Variants in NCKAP1 observed in about 807,000 individuals in gnomAD.
NCKAP1 encodes the protein NCK associated protein 1, also known as nck-associated protein 1.
A neutral mutation model predicts 151.2 loss-of-function variants in NCKAP1; 21 were observed. The ratio of observed to expected loss-of-function variants is 0.14; its 90% CI spans 0.10 to 0.20. The LOEUF (loss-of-function observed/expected upper bound fraction) is 0.20. Among genes scored for constraint, NCKAP1 ranks in the 10% least tolerant of loss-of-function variants. The pLI, the probability that NCKAP1 is intolerant of heterozygous loss-of-function variation, is 1.00. For synonymous variants in NCKAP1, 484 were observed against 451.8 expected (o/e 1.07, Z -0.90); for missense variants, 933 against 1,352.1 (o/e 0.69, Z 4.86).
At chr2:182,975,548 A>C (rs1302599929) in intron 15 of NCKAP1, among the ~76,000 whole-genome samples, 1 of 152,144 alleles carries the variant, frequency 6.6e-6, no homozygotes, top group Admixed American at 6.5e-5. Context: ...TGGCTTCCAC[A>C]AAAAAATACT....
intron 2 of NCKAP1, among the ~76,000 whole-genome samples, chr2:183,022,402 CAAACA>C (rs1263593624): frequency 6.6e-6 from 1 of 152,310 alleles, no homozygotes; most frequent in African/African-American, 2.4e-5. Flanking sequence ...GTTCTCCACA[CAAACA>C]AAAGTGTTAA....
intron 9 of NCKAP1, among the ~76,000 whole-genome samples, chr2:182,986,477 C>A (rs1329125663): frequency 6.6e-6 from 1 of 152,042 alleles, no homozygotes; most frequent in Non-Finnish European, 1.5e-5. Context: ...TGTAGATTTT[C>A]ATTTTATTAA....
intron 20 of NCKAP1, among the ~76,000 whole-genome samples, chr2:182,954,469 G>C (rs1697283439): frequency 6.6e-6 from 1 of 152,100 alleles, no homozygotes. Context: ...CCCATCACTA[G>C]AAACAGGCCA....
In NCKAP1 at chr2:183,033,595, A is replaced by G. The variant is rs569916828; in HGVS notation, c.108+4397T>C. Reference sequence around the variant, plus strand: ...TGCCAGGGAACACATTCAATAAACGAAGAGTAAATGAATAAATTAAAAGGG... The same window carrying G: ...TGCCAGGGAACACATTCAATAAACGGAGAGTAAATGAATAAATTAAAAGGG... On this transcript the variant is annotated intron_variant, in intron 1 of 30. Transcript: ENST00000361354. Among the ~76,000 whole-genome samples the G allele has an allele frequency of 1.8e-3, 272 of 152,362 alleles. 1 individual carries two copies. Among genetic ancestry groups the G allele is most frequent in the Non-Finnish European group, 3.4e-3 (228 of 68,026 alleles).
chr2:182,922,497 A>G lies in NCKAP1; in HGVS notation c.*3205T>C, dbSNP rs1317519568. 1 of 152,250 alleles carries G rather than the reference A, an allele frequency of 6.6e-6. No individual in the cohort carries two copies. The highest frequency in any genetic ancestry group is 1.5e-5 in the Non-Finnish European group (1 of 68,064). The allele number at this position is 152,250 out of a possible 1,614,324, so 9.4% of individuals were successfully genotyped here. Reference sequence around the variant, plus strand: ...ACTCCTCATGACAGAGACACAGATGACACACTTCTAACTTCTCAAACATGC... The same window carrying G: ...ACTCCTCATGACAGAGACACAGATGGCACACTTCTAACTTCTCAAACATGC... On this transcript the variant is annotated 3_prime_UTR_variant, in exon 31 of 31. Transcript: ENST00000361354.
chr2:182,961,772 G>C (rs978368226), intron 18 of NCKAP1, among the ~76,000 whole-genome samples: 139 of 146,474 alleles, frequency 9.5e-4, no homozygotes, highest in Non-Finnish European at 1.7e-3. Flanking sequence ...AAGTTGGAAA[G>C]AAAAAAAAAA....
At chr2:182,925,839 A>G (rs780364135) in intron 30 of NCKAP1, 21 bp from the exon 31 acceptor site, 63 of 1,357,964 alleles carry the variant, frequency 4.6e-5, no homozygotes, top group Non-Finnish European at 6.2e-5. Context: ...CAAAAAATCC[A>G]TCAAAACAAG....
At chr2:182,949,671 G>A (rs1298110947) in intron 23 of NCKAP1, among the ~76,000 whole-genome samples, 2 of 152,164 alleles carry the variant, frequency 1.3e-5, no homozygotes, top group Non-Finnish European at 2.9e-5. Context: ...GCACATGCCT[G>A]TAGTCCCAGC....
intron 15 of NCKAP1, 71 bp from the exon 16 acceptor site, chr2:182,967,432 G>A (rs1033225839): frequency 3.0e-6 from 4 of 1,343,550 alleles, no homozygotes; most frequent in South Asian, 1.3e-5. Context: ...TTTTACAGGG[G>A]GAAAAGCATC....
At chr2:183,002,305 A>C (rs1345807013) in intron 4 of NCKAP1, 36 bp from the exon 5 acceptor site, 1 of 1,358,308 alleles carries the variant, frequency 7.4e-7, no homozygotes, top group East Asian at 2.4e-5. Flanking sequence ...ACTACTTCCT[A>C]TTTCTTAAAA....
At chr2:182,941,995 C>T (rs1160784061) in intron 24 of NCKAP1, 75 bp downstream of exon 24, 21 of 1,217,918 alleles carry the variant, frequency 1.7e-5, no homozygotes, top group East Asian at 9.4e-5. Flanking sequence ...ATTTATGTTA[C>T]AAATTTTGAG....
intron 2 of NCKAP1, among the ~76,000 whole-genome samples, chr2:183,011,257 T>C (rs138112077): frequency 7.7e-4 from 118 of 152,366 alleles, no homozygotes; most frequent in Non-Finnish European, 1.5e-3. Flanking sequence ...TATTCTAGAA[T>C]ACATTTCTAG....
intron 29 of NCKAP1, among the ~76,000 whole-genome samples, chr2:182,927,463 T>C (rs1389468934): frequency 6.6e-6 from 1 of 152,042 alleles, no homozygotes; most frequent in Non-Finnish European, 1.5e-5. Flanking sequence ...GATTTATAAC[T>C]GAAAAAGAAG....
chr2:183,010,062 A>G (rs1187457564), intron 2 of NCKAP1, among the ~76,000 whole-genome samples: 3 of 152,228 alleles, frequency 2.0e-5, no homozygotes, highest in African/African-American at 7.2e-5. Flanking sequence ...TAATTCTGGA[A>G]TGCACAAAGA....
chr2:183,037,399 T>C (rs991259247), intron 1 of NCKAP1, among the ~76,000 whole-genome samples: 1 of 152,102 alleles, frequency 6.6e-6, no homozygotes, highest in Non-Finnish European at 1.5e-5. Context: ...CCCCCTCCTC[T>C]CCACCTTCAA....
At chr2:182,944,483 G>A (rs1324036301) in intron 23 of NCKAP1, among the ~76,000 whole-genome samples, 1 of 152,082 alleles carries the variant, frequency 6.6e-6, no homozygotes, top group Non-Finnish European at 1.5e-5. Context: ...GACTCAACGC[G>A]CACAACCCCA....
intron 22 of NCKAP1, 34 bp downstream of exon 22, chr2:182,952,759 T>C: frequency 6.5e-7 from 1 of 1,536,596 alleles, no homozygotes; most frequent in South Asian, 1.3e-5. Flanking sequence ...TTAAGTGTTC[T>C]TCATTCTCTA....
intron 15 of NCKAP1, among the ~76,000 whole-genome samples, chr2:182,969,776 G>GTT (rs1697648819): frequency 6.6e-6 from 1 of 151,924 alleles, no homozygotes; most frequent in Admixed American, 6.6e-5. Flanking sequence ...AGCAGAAGGA[G>GTT]ATAAGTAATA....
intron 27 of NCKAP1, among the ~76,000 whole-genome samples, 194 bp downstream of exon 27, chr2:182,930,501 C>G (rs544882402): frequency 2.0e-5 from 3 of 152,126 alleles, no homozygotes; most frequent in African/African-American, 4.8e-5. Context: ...TAATCTCAAC[C>G]AATCTTAAGT....
Sources: allele counts gnomAD v4.1 joint callset (sites outside exome capture counted in the v4.1 genomes callset), GRCh38; gene constraint gnomAD v4.1.1; transcripts MANE v1.5; gene names NCBI Gene and HGNC (gene_info 2026-07-23, HGNC 2026-07-21).